UTRN: variants seen among roughly 807,000 people sequenced by gnomAD.
UTRN encodes dystrophin-related protein 1.
In UTRN, 283 loss-of-function variants were observed where a neutral mutation model predicts 463.9. The observed-to-expected ratio is 0.61, with a 90% CI of 0.55 to 0.67. The LOEUF is 0.67. Among genes scored for constraint, UTRN ranks in the 30% least tolerant of loss-of-function variants. The probability of loss-of-function intolerance (pLI) is 0.00; values close to 1 mark genes in which losing one functional copy is unlikely to be tolerated. For missense variants in UTRN, 3,922 were observed against 4,084.3 expected, an observed-to-expected ratio of 0.96 and a Z score of 1.08; for synonymous variants, 1,442 against 1,431.5, an observed-to-expected ratio of 1.01 and a Z score of -0.17.
chr6:144,481,887 A>C (rs1791914044), intron 26 of UTRN, among the ~76,000 whole-genome samples: 1 of 152,222 alleles, frequency 6.6e-6, no homozygotes, highest in Non-Finnish European at 1.5e-5. Context: ...GCGAAGCCTC[A>C]TCTCGACTAA....
At chr6:144,506,386 C>T (rs1794692883) in intron 34 of UTRN, among the ~76,000 whole-genome samples, 1 of 152,096 alleles carries the variant, frequency 6.6e-6, no homozygotes, top group Non-Finnish European at 1.5e-5. Flanking sequence ...TATGTTTTTG[C>T]AGTGGCTGGA....
At chr6:144,578,652 C>T (rs1267697466) in intron 51 of UTRN, among the ~76,000 whole-genome samples, 9 of 152,084 alleles carry the variant, frequency 5.9e-5, no homozygotes, top group Admixed American at 5.2e-4. Flanking sequence ...TCTTTTGATA[C>T]ATGTCTCTGC....
intron 53 of UTRN, among the ~76,000 whole-genome samples, chr6:144,711,320 C>A (rs2328599): frequency 0.45 from 67,131 of 148,336 alleles, 19,561 homozygotes; most frequent in East Asian, 0.83. Context: ...CGTCTCAAAA[C>A]AAACAAACAA....
intron 2 of UTRN, among the ~76,000 whole-genome samples, chr6:144,345,047 T>C (rs1777451589): frequency 6.6e-6 from 1 of 152,238 alleles, no homozygotes; most frequent in Non-Finnish European, 1.5e-5. Flanking sequence ...ATCATACATA[T>C]CATGCATGAA....
At chr6:144,632,593 T>A (rs754116750) in intron 51 of UTRN, among the ~76,000 whole-genome samples, 6 of 152,154 alleles carry the variant, frequency 3.9e-5, no homozygotes, top group Non-Finnish European at 5.9e-5. Flanking sequence ...CTGCAGAAAC[T>A]CCTTTCTCTG....
At chr6:144,625,431 A>C (rs1253660082) in intron 51 of UTRN, among the ~76,000 whole-genome samples, 1 of 152,200 alleles carries the variant, frequency 6.6e-6, no homozygotes, top group Non-Finnish European at 1.5e-5. Flanking sequence ...ATTTATCTGC[A>C]TATTTGATTC....
At chr6:144,374,151 T>A (rs6917034) in intron 2 of UTRN, among the ~76,000 whole-genome samples, 2 of 152,128 alleles carry the variant, frequency 1.3e-5, no homozygotes, top group Admixed American at 6.5e-5. Context: ...GATAACGCTA[T>A]GGAATGCCTC....
At chr6:144,660,313 C>T (rs1310772146) in intron 51 of UTRN, 1 of 470,560 alleles carries the variant, frequency 2.1e-6, no homozygotes, top group Non-Finnish European at 4.4e-6. Flanking sequence ...TACTTTTTTC[C>T]TTTCTTTCTT....
At chr6:144,686,929 G>A (rs1313265368) in intron 52 of UTRN, among the ~76,000 whole-genome samples, 1 of 152,054 alleles carries the variant, frequency 6.6e-6, no homozygotes, top group African/African-American at 2.4e-5. Flanking sequence ...CATGTTGATT[G>A]TCACCTAGAC....
At chr6:144,719,501 C>G (rs1404592471) in intron 53 of UTRN, among the ~76,000 whole-genome samples, 2 of 152,136 alleles carry the variant, frequency 1.3e-5, no homozygotes, top group African/African-American at 4.8e-5. Flanking sequence ...CGCTTGAACC[C>G]AGGAGGCGGA....
chr6:144,658,327 T>C (rs1779532970), intron 51 of UTRN, among the ~76,000 whole-genome samples: 1 of 152,218 alleles, frequency 6.6e-6, no homozygotes, highest in Non-Finnish European at 1.5e-5. Flanking sequence ...ATTTAAATAC[T>C]GATATGAAAA....
intron 51 of UTRN, among the ~76,000 whole-genome samples, chr6:144,614,958 A>C (rs1208983795): frequency 6.6e-6 from 1 of 152,176 alleles, no homozygotes; most frequent in Non-Finnish European, 1.5e-5. Flanking sequence ...TTTCAAAGGC[A>C]CAAATTAGAG....
intron 2 of UTRN, among the ~76,000 whole-genome samples, chr6:144,388,602 G>A (rs1439948299): frequency 6.6e-6 from 1 of 151,928 alleles, no homozygotes; most frequent in Non-Finnish European, 1.5e-5. Context: ...AGATTCAGGT[G>A]ATCTTCCCAC....
Position 144,793,957 on chromosome 6 carries a change from A to G in UTRN, c.9044A>G (p.Asn3015Ser). ...LGEVAAFGGSNIEPSVRSCFQ... is the reference protein window; with the variant it reads ...LGEVAAFGGSSIEPSVRSCFQ... ...GAAGTAGCAGCTTTTGGAGGCAGTA[A>G]TATTGAGCCTAGTGTTCGCAGCTGC... Residue 3015 changes from asparagine (N) to serine (S), a missense_variant, in exon 63 of 75, where the codon AAT (asparagine) becomes AGT (serine). Physicochemically the swap from Asn to Ser is conservative, Grantham distance 46. Coordinates refer to ENST00000367545, the MANE Select transcript of UTRN (RefSeq NM_007124.3). 6.2e-7 allele frequency: 1 copy of G among 1,614,062 alleles called. No individual in the cohort carries two copies. The highest frequency in any genetic ancestry group is 8.5e-7 in the Non-Finnish European group (1 of 1,179,976).
rs35954430 is a variant in UTRN at position 144,842,110 on chromosome 6, CAAAAAAAAAAAAAA to C, written c.10270+1289_10270+1302del. Among the ~76,000 whole-genome samples the C allele has an allele frequency of 5.2e-4, 32 of 62,114 alleles. 1 individual carries two copies. In the Admixed American group the frequency reaches 7.2e-3, roughly 14 times the overall value. 40.7% of individuals were successfully genotyped at this position (62,114 alleles called of 152,430 possible). A position where few individuals can be genotyped will look rare whatever the true frequency, so the allele number is the denominator to read the frequency against. On this transcript the variant is annotated intron_variant, in intron 73 of 74. Coordinates refer to ENST00000367545, the MANE Select transcript of UTRN (RefSeq NM_007124.3). The stretch of plus-strand genomic sequence containing the variant: ...GGGAGACAGCGTGAGACTTCCTCTC[CAAAAAAAAAAAAAA>C]AAAAAAAAAAGCCATCCGAAATGAT...
intron 2 of UTRN, among the ~76,000 whole-genome samples, chr6:144,316,115 C>A (rs888293401): frequency 1.3e-5 from 2 of 152,028 alleles, no homozygotes; most frequent in African/African-American, 2.4e-5. Flanking sequence ...TCTGGGAGGC[C>A]GAGGCAGGAG....
intron 3 of UTRN, among the ~76,000 whole-genome samples, chr6:144,408,881 A>G (rs1162420956): frequency 2.0e-5 from 3 of 152,242 alleles, no homozygotes; most frequent in Non-Finnish European, 2.9e-5. Context: ...TCTTCTCTTT[A>G]GTACTGTAAA....
At chr6:144,489,022 A>G (rs1345000561) in intron 30 of UTRN, among the ~76,000 whole-genome samples, 188 bp downstream of exon 30, 2 of 127,968 alleles carry the variant, frequency 1.6e-5, no homozygotes, top group Non-Finnish European at 3.3e-5. Flanking sequence ...CAAAAGTCTT[A>G]TATAGTTTAT....
chr6:144,466,177 T>C (rs1048981413), intron 23 of UTRN, among the ~76,000 whole-genome samples: 1 of 152,238 alleles, frequency 6.6e-6, no homozygotes, highest in African/African-American at 2.4e-5. Context: ...TTTAAATCCA[T>C]AGTCCAGATA....
Sources: allele counts gnomAD v4.1 joint callset (sites outside exome capture counted in the v4.1 genomes callset), GRCh38; gene constraint gnomAD v4.1.1; transcripts MANE v1.5; gene names NCBI Gene and HGNC (gene_info 2026-07-23, HGNC 2026-07-21).